The following DDO variants were observed in gnomAD, a reference collection of about 807,000 sequenced individuals.
The protein encoded by DDO is D-aspartate oxidase, also known as D-aspartate oxidase, DDO.
A neutral mutation model predicts 16.8 loss-of-function variants in DDO; 16 were observed. The ratio of observed to expected loss-of-function variants is 0.95; its 90% CI spans 0.65 to 1.45. The LOEUF (loss-of-function observed/expected upper bound fraction) is 1.45, where lower values mean the gene tolerates loss of function less well. Ranked by LOEUF, DDO falls within the 40% of genes most tolerant of loss-of-function variation. The pLI, the probability that DDO is intolerant of heterozygous loss-of-function variation, is 0.00. For missense variants in DDO, 429 were observed against 420.3 expected, an observed-to-expected ratio of 1.02 and a Z score of -0.18; for synonymous variants, 180 against 167.2, an observed-to-expected ratio of 1.08 and a Z score of -0.59.
chr6:110,400,052 C>A (rs527336211), intron 4 of DDO, among the ~76,000 whole-genome samples: 64 of 152,308 alleles, frequency 4.2e-4, no homozygotes, highest in African/African-American at 1.4e-3. Context: ...CAGCCCCAAG[C>A]CCCCTGGCTG....
At chr6:110,391,119 T>C (rs776510302), downstream of DDO, among the ~76,000 whole-genome samples, 4 of 152,264 alleles carry the variant, frequency 2.6e-5, no homozygotes, top group Non-Finnish European at 5.9e-5. Context: ...CATAAAACAC[T>C]GGTGGGCTTC....
At chr6:110,400,417 GAGGCAGGGCGGCACC>G (rs1773447787) in intron 4 of DDO, among the ~76,000 whole-genome samples, 1 of 150,700 alleles carries the variant, frequency 6.6e-6, no homozygotes, top group South Asian at 2.1e-4. Flanking sequence ...CGCTGCCCAC[GAGGCAGGGCGGCACC>G]AGGCCAACTG....
At chr6:110,396,028 CA>C (rs1562258846) in intron 4 of DDO, among the ~76,000 whole-genome samples, 1 of 152,000 alleles carries the variant, frequency 6.6e-6, no homozygotes, top group Admixed American at 6.6e-5. Flanking sequence ...GACACCAACT[CA>C]AAAAAGAAAG....
intron 3 of DDO, among the ~76,000 whole-genome samples, chr6:110,405,688 C>T (rs538970794): frequency 5.3e-5 from 8 of 151,972 alleles, no homozygotes; most frequent in East Asian, 3.9e-4. Flanking sequence ...TTTAGGAGGC[C>T]GAGGGGAAGT....
intron 3 of DDO, among the ~76,000 whole-genome samples, chr6:110,407,254 T>G (rs1773689010): frequency 6.6e-6 from 1 of 152,072 alleles, no homozygotes; most frequent in Admixed American, 6.5e-5. Flanking sequence ...GGACAAAGAG[T>G]GTGACCGTAA....
chr6:110,397,291 T>G (rs1188149894), intron 4 of DDO, among the ~76,000 whole-genome samples: 1 of 152,256 alleles, frequency 6.6e-6, no homozygotes, highest in East Asian at 1.9e-4. Flanking sequence ...ATGTGTATTC[T>G]TATCCTCCAT....
chr6:110,406,474 C>T (rs1019277488), intron 3 of DDO, among the ~76,000 whole-genome samples: 4 of 152,136 alleles, frequency 2.6e-5, no homozygotes, highest in Non-Finnish European at 5.9e-5. Context: ...TTTCTCAAGT[C>T]CATCTACTCT....
downstream of DDO, among the ~76,000 whole-genome samples, chr6:110,389,937 G>A (rs2114800734): frequency 6.6e-6 from 1 of 152,324 alleles, no homozygotes; most frequent in African/African-American, 2.4e-5. Context: ...TTGTGGGCCA[G>A]AGTTCTATTT....
chr6:110,408,302 A>G, intron 3 of DDO, 32 bp downstream of exon 3: 2 of 1,588,898 alleles, frequency 1.3e-6, no homozygotes, highest in Non-Finnish European at 8.6e-7. Context: ...ATCATGCTAC[A>G]CTCTAAAATA....
chr6:110,413,785 T>G (rs1554221304), intron 1 of DDO, among the ~76,000 whole-genome samples: 1 of 152,190 alleles, frequency 6.6e-6, no homozygotes, highest in South Asian at 2.1e-4. Flanking sequence ...CCCTTTTTTT[T>G]CCCCCTGAAA....
intron 4 of DDO, among the ~76,000 whole-genome samples, chr6:110,396,093 A>T (rs1176014615): frequency 6.6e-6 from 1 of 152,200 alleles, no homozygotes; most frequent in Non-Finnish European, 1.5e-5. Flanking sequence ...AGAGACCAAG[A>T]TTGCTACTCA....
At chr6:110,396,855 A>G (rs1033079755) in intron 4 of DDO, among the ~76,000 whole-genome samples, 5 of 152,230 alleles carry the variant, frequency 3.3e-5, no homozygotes, top group African/African-American at 4.8e-5. Context: ...GTAATAATAG[A>G]TAAATGTTTT....
At chr6:110,394,930 AG>A (rs1773243129) in intron 4 of DDO, among the ~76,000 whole-genome samples, 1 of 152,146 alleles carries the variant, frequency 6.6e-6, no homozygotes, top group African/African-American at 2.4e-5. Flanking sequence ...TCAAGGGGAG[AG>A]ACTGTATCTT....
rs372469270 is a variant in DDO, at chr6:110,414,974, G to A, written c.-5+493C>T. 2.0e-4 allele frequency among the ~76,000 whole-genome samples: 31 copies of A among 152,332 alleles called. No homozygotes were observed. In the East Asian group the frequency reaches 2.7e-3, roughly 13 times the overall value. ...TTCTCTTCCAGTTCTGAAGATTCTC[G>A]CACTATGAGACTTTAAAGCCCTCCA... On this transcript the variant is annotated intron_variant, in intron 1 of 4. Transcript: ENST00000368924.
rs542546123 is a variant in DDO, at chr6:110,413,399, T to G, written c.64A>C (p.Ile22Leu). 1.9e-6 allele frequency: 3 copies of G among 1,614,066 alleles called. No individual in the cohort carries two copies. The highest frequency in any genetic ancestry group is 1.7e-5 in the Admixed American group (1 of 60,022). The change falls in exon 2 of 5, where the codon ATC (isoleucine) becomes CTC (leucine). Residue 22 changes from isoleucine to leucine, a missense_variant. Coordinates refer to ENST00000368924, the MANE Select transcript of DDO (RefSeq NM_001372108.2). ...GAGCATCGGGGCACCAGTTTGGAGATGCACACAGCCGTGGAGAGCCCCACC... is the reference window on the plus strand; with the variant it reads ...GAGCATCGGGGCACCAGTTTGGAGAGGCACACAGCCGTGGAGAGCCCCACC... ...GVVGLSTAVCISKLVPRCSVT... is the reference protein window; with the variant it reads ...GVVGLSTAVCLSKLVPRCSVT...
chr6:110,408,231 G>A, intron 3 of DDO, 103 bp downstream of exon 3: 1 of 1,060,836 alleles, frequency 9.4e-7, no homozygotes, highest in Non-Finnish European at 1.4e-6. Flanking sequence ...ATCTAAGTCA[G>A]CACTCTGCTC....
intron 2 of DDO, among the ~76,000 whole-genome samples, chr6:110,412,196 G>T (rs1368455508): frequency 1.3e-5 from 2 of 151,838 alleles, no homozygotes; most frequent in Non-Finnish European, 2.9e-5. Context: ...CAGTGAGTCA[G>T]TGAGCCAGGA....
chr6:110,401,540 A>G (rs1300447743), intron 4 of DDO, among the ~76,000 whole-genome samples: 7 of 152,118 alleles, frequency 4.6e-5, no homozygotes, highest in East Asian at 3.8e-4. Flanking sequence ...TACTCAGCTA[A>G]TCTTGGACAA....
chr6:110,392,419 A>T lies in DDO; in HGVS notation c.*356T>A. 1 of 1,007,534 alleles carries T rather than the reference A, an allele frequency of 9.9e-7. No individual in the cohort carries two copies. Among genetic ancestry groups the T allele is most frequent in the Non-Finnish European group, 1.2e-6 (1 of 845,498 alleles). 62.4% of individuals were successfully genotyped at this position (1,007,534 alleles called of 1,614,324 possible). ...ATTTTACTCTATAAGAAGTATTTTT[A>T]ACAAAAAATAGAGCTTTATGCCCTA... On this transcript the variant is annotated 3_prime_UTR_variant, in exon 5 of 5. Coordinates refer to ENST00000368924, the MANE Select transcript of DDO (RefSeq NM_001372108.2).
Sources: allele counts gnomAD v4.1 joint callset (sites outside exome capture counted in the v4.1 genomes callset), GRCh38; gene constraint gnomAD v4.1.1; transcripts MANE v1.5; gene names NCBI Gene and HGNC (gene_info 2026-07-23, HGNC 2026-07-21).